The following ARHGEF18 variants were observed in gnomAD, a reference collection of about 807,000 sequenced individuals.
ARHGEF18 encodes the protein rho guanine nucleotide exchange factor 18.
In ARHGEF18, 93 loss-of-function variants were observed where a neutral mutation model predicts 155.7. The ratio of observed to expected loss-of-function variants is 0.60; its 90% CI spans 0.50 to 0.71. ARHGEF18 has a LOEUF of 0.71. ARHGEF18 is among the 30% of genes least tolerant of loss of function. ARHGEF18 has a pLI of 0.00. For missense variants in ARHGEF18, 1,593 were observed against 1,816.1 expected, an observed-to-expected ratio of 0.88 and a Z score of 2.23; for synonymous variants, 742 against 753.1, an observed-to-expected ratio of 0.99 and a Z score of 0.24.
At position 7,462,231 on chromosome 19, in the gene ARHGEF18, G is replaced by A; in HGVS notation, c.2532G>A (p.Met844Ile). ...KQQIYLEMAE[M>I]GGLEDLPQPR... ...AGATCTACCTGGAGATGGCCGAGAT[G>A]GGCGGCCTCGAAGACCTGCCCCAGC... is the stretch of plus-strand genomic sequence containing the variant. The change falls in exon 21 of 29, where the codon ATG becomes ATA. Residue 844 changes from methionine (M) to isoleucine (I), a missense_variant. Physicochemically the swap from Met to Ile is conservative, Grantham distance 10. Transcript: ENST00000668164. The surrounding 1 kb of genome is among the most constrained non-coding windows in gnomAD (Gnocchi z 4.4). 1 of 1,613,942 alleles carries A rather than the reference G, an allele frequency of 6.2e-7. No homozygotes were observed.
chr19:7,399,582 G>A (rs1167598473), intron 10 of ARHGEF18, among the ~76,000 whole-genome samples: 3 of 151,162 alleles, frequency 2.0e-5, no homozygotes, highest in Admixed American at 6.6e-5. Context: ...CCGGGTTCAC[G>A]CCATTCTCCT....
In ARHGEF18 at chr19:7,373,028, C is replaced by A; in HGVS notation, c.232C>A (p.Arg78Ser). The change falls in exon 3 of 29, where the codon CGC becomes AGC. Residue 78 changes from arginine (R) to serine (S), a missense_variant. Physicochemically the swap from Arg to Ser is moderately radical, Grantham distance 110 (BLOSUM62 -1). Transcript: ENST00000668164. ...AGGGTCCCAAGACCTGTCAAGGCGG[C>A]GCAGCTGGGAAAGGTCGCGGAGCTG... ...LAGSQDLSRR[R>S]SWERSRSCSE... 1 of 1,234,428 alleles carries A rather than the reference C, an allele frequency of 8.1e-7. No homozygotes were observed. The highest frequency in any genetic ancestry group is 1.5e-5 in the African/African-American group (1 of 64,628). 76.5% of individuals were successfully genotyped at this position (1,234,428 alleles called of 1,614,324 possible). A position where few individuals can be genotyped will look rare whatever the true frequency, so the allele number is the denominator to read the frequency against.
At chr19:7,459,076 G>A (rs10411808) in intron 19 of ARHGEF18, among the ~76,000 whole-genome samples, 28,106 of 151,906 alleles carry the variant, frequency 0.19, 2,893 homozygotes, top group African/African-American at 0.27. Context: ...ACAGAGTCTT[G>A]CTCTGTCACC....
chr19:7,478,249 C>A, the ARHGEF18 span: 1 of 1,545,182 alleles, frequency 6.5e-7, no homozygotes, highest in Non-Finnish European at 8.8e-7. Context: ...GGGGTGGCTG[C>A]GAGCCGGGAT....
At chr19:7,460,094 G>A (rs565618599) in intron 20 of ARHGEF18, 100 bp downstream of exon 20, 34 of 1,191,494 alleles carry the variant, frequency 2.9e-5, no homozygotes, top group Admixed American at 2.8e-4. Flanking sequence ...CAGGTGACCC[G>A]GTGTTTTCCC....
Position 7,463,647 on chromosome 19 carries a change from G to A in ARHGEF18, c.2636-171G>A, listed in dbSNP as rs1976428309. Among the ~76,000 whole-genome samples, 1 of 152,182 alleles carries A rather than the reference G, an allele frequency of 6.6e-6. No homozygotes were observed. The highest frequency in any genetic ancestry group is 1.5e-5 in the Non-Finnish European group (1 of 68,036). Reference sequence around the variant, plus strand: ...TCCTGGTGGCCATACCTGAAGTAAGGGTGTGCGCAGGGACAGTGGGGCTGA... The same window carrying A: ...TCCTGGTGGCCATACCTGAAGTAAGAGTGTGCGCAGGGACAGTGGGGCTGA... On this transcript the variant is annotated intron_variant, in intron 21 of 28. Coordinates refer to ENST00000668164, the MANE Select transcript of ARHGEF18 (RefSeq NM_001367823.1). This position sits in a 1 kb window ranked among gnomAD's most constrained non-coding sequence, Gnocchi z 5.2.
chr19:7,456,441 G>T (rs554617489), intron 18 of ARHGEF18, 38 bp downstream of exon 18: 1 of 1,588,198 alleles, frequency 6.3e-7, no homozygotes, highest in South Asian at 1.1e-5. Flanking sequence ...GGTCGGCTGG[G>T]TGCTGTGGCT....
chr19:7,365,112 TGA>T (rs981628244), intron 2 of ARHGEF18, among the ~76,000 whole-genome samples: 8 of 152,106 alleles, frequency 5.3e-5, no homozygotes, highest in African/African-American at 1.9e-4. Context: ...AAGAGGACAC[TGA>T]GGGGCTGGGC....
At chr19:7,400,181 G>A (rs564824272) in intron 10 of ARHGEF18, among the ~76,000 whole-genome samples, 7 of 152,188 alleles carry the variant, frequency 4.6e-5, no homozygotes, top group African/African-American at 1.7e-4. Flanking sequence ...TTTAATTCAC[G>A]TCACTTTTTT....
Position 7,452,453 on chromosome 19 carries a change from AATTT to A in ARHGEF18, c.1856-990_1856-987del, listed in dbSNP as rs370557521. Among the ~76,000 whole-genome samples, 1,232 of 151,854 alleles carry A rather than the reference AATTT, an allele frequency of 8.1e-3. 16 individuals carry two copies. The highest frequency in any genetic ancestry group is 0.028 in the African/African-American group (1,174 of 41,440). ...TCACAACAGGAGGTGGAGGGAATCT[AATTT>A]ATTTATTTATTTATTTATTTATTGT... On this transcript the variant is annotated intron_variant, in intron 16 of 28. Coordinates refer to ENST00000668164, the MANE Select transcript of ARHGEF18 (RefSeq NM_001367823.1).
intron 15 of ARHGEF18, among the ~76,000 whole-genome samples, chr19:7,449,023 T>C (rs1339190200): frequency 6.6e-6 from 1 of 151,976 alleles, no homozygotes; most frequent in Non-Finnish European, 1.5e-5. Context: ...CATTGCATTA[T>C]AGGTAGGTAG....
intron 10 of ARHGEF18, among the ~76,000 whole-genome samples, chr19:7,438,460 G>A (rs1409314789): frequency 6.7e-6 from 1 of 149,302 alleles, no homozygotes; most frequent in Non-Finnish European, 1.5e-5. Context: ...TGCCCAGGCT[G>A]GAGTGCAGTG....
intron 10 of ARHGEF18, among the ~76,000 whole-genome samples, chr19:7,416,605 GTTTT>G (rs71179109): frequency 1.1e-5 from 1 of 90,436 alleles, no homozygotes. Context: ...TTTTATTTGG[GTTTT>G]TTTTTTTTTT....
At chr19:7,417,923 G>A (rs898045327) in intron 10 of ARHGEF18, among the ~76,000 whole-genome samples, 3 of 152,186 alleles carry the variant, frequency 2.0e-5, no homozygotes, top group Admixed American at 6.5e-5. Flanking sequence ...CTTGGGCTTT[G>A]TGGGCAGCAT....
At position 7,470,345 on chromosome 19, in the gene ARHGEF18, C is replaced by T. The variant is rs546856765; in HGVS notation, c.*47C>T. On this transcript the variant is annotated 3_prime_UTR_variant, in exon 29 of 29. Coordinates refer to ENST00000668164, the MANE Select transcript of ARHGEF18 (RefSeq NM_001367823.1). The surrounding 1 kb of genome is among the most constrained non-coding windows in gnomAD (Gnocchi z 5.9). ...AAGGCCCCTCCCTGCCCTGCCCACC[C>T]TTCCTGCTCTCTGGGGACCCCCATG... is the stretch of plus-strand genomic sequence containing the variant. The T allele has an allele frequency of 4.9e-6, 7 of 1,416,652 alleles. No individual in the cohort carries two copies. The South Asian group carries it at 9.7e-5, about 20-fold the overall frequency. The allele number at this position is 1,416,652 out of a possible 1,614,324, so 87.8% of individuals were successfully genotyped here. A position where few individuals can be genotyped will look rare whatever the true frequency, so the allele number is the denominator to read the frequency against.
chr19:7,381,053 G>C (rs1029633840), intron 8 of ARHGEF18, 59 bp downstream of exon 8: 2 of 1,203,390 alleles, frequency 1.7e-6, no homozygotes, highest in African/African-American at 3.1e-5. Flanking sequence ...AGTGTTTACA[G>C]ATGGTCCTTT....
In ARHGEF18 at chr19:7,380,916, G is replaced by C. The variant is rs918701995; in HGVS notation, c.645-1G>C. ...GGTATCTGTCCCCTCTGATCCTGCA[G>C]GGCCCGGCAGAGGGCTTGCATGTCA... On this transcript the variant is annotated splice_acceptor_variant, in intron 7 of 28. Transcript: ENST00000668164. LOFTEE classifies it high-confidence loss of function. 3.4e-5 allele frequency: 42 copies of C among 1,231,954 alleles called. No individual in the cohort carries two copies. The highest frequency in any genetic ancestry group is 1.2e-4 in the South Asian group (3 of 24,312). The allele number at this position is 1,231,954 out of a possible 1,614,324, so 76.3% of individuals were successfully genotyped here.
intron 4 of ARHGEF18, among the ~76,000 whole-genome samples, chr19:7,376,404 G>A (rs921592676): frequency 4.6e-5 from 7 of 152,068 alleles, no homozygotes; most frequent in African/African-American, 1.4e-4. Context: ...CTGATACCTG[G>A]GGCTCCAGCT....
chr19:7,362,150 AGAAGG>A (rs1969633614), intron 1 of ARHGEF18, among the ~76,000 whole-genome samples: 1 of 42,324 alleles, frequency 2.4e-5, no homozygotes, highest in African/African-American at 1.7e-4. Context: ...AAGGAGAAGG[AGAAGG>A]AGGAGAAGAA....
Sources: gnomAD v4.1 joint callset for allele counts (sites outside exome capture counted in the v4.1 genomes callset) on GRCh38, gnomAD v4.1.1 for gene constraint, Gnocchi (gnomAD v3.1) non-coding constraint, MANE v1.5 for transcripts, NCBI Gene and HGNC (gene_info 2026-07-23, HGNC 2026-07-21) for gene names.